Variants in PYROXD1 observed in about 807,000 individuals in gnomAD.
PYROXD1 encodes tRNA ligase complex-associated NAD(P)H dehydrogenase PYROXD1.
A neutral mutation model predicts 62.0 loss-of-function variants in PYROXD1; 42 were observed. That is an observed-to-expected ratio of 0.68 (90% CI 0.53 to 0.88). The LOEUF (loss-of-function observed/expected upper bound fraction) is 0.88, where lower values mean the gene tolerates loss of function less well. Ranked by LOEUF, PYROXD1 falls within the 40% of genes least tolerant of loss-of-function variation. The probability of loss-of-function intolerance (pLI) is 0.00; values close to 1 mark genes in which losing one functional copy is unlikely to be tolerated. For synonymous variants in PYROXD1, 170 were observed against 206.4 expected, an observed-to-expected ratio of 0.82 and a Z score of 1.51; for missense variants, 493 against 604.8, an observed-to-expected ratio of 0.82 and a Z score of 1.94.
At chr12:21,444,623 C>A (rs1942353441) in intron 2 of PYROXD1, among the ~76,000 whole-genome samples, 1 of 152,128 alleles carries the variant, frequency 6.6e-6, no homozygotes. Flanking sequence ...CCTTAAATAA[C>A]CCTAGAAGTA....
chr12:21,439,819 TA>T (rs1461069733), intron 1 of PYROXD1, among the ~76,000 whole-genome samples: 1 of 152,210 alleles, frequency 6.6e-6, no homozygotes, highest in Non-Finnish European at 1.5e-5. Flanking sequence ...GTTATACCTC[TA>T]AATTTTGTGG....
At chr12:21,458,355 T>C (rs894644574) in intron 7 of PYROXD1, among the ~76,000 whole-genome samples, 1 of 152,210 alleles carries the variant, frequency 6.6e-6, no homozygotes, top group Admixed American at 6.5e-5. Context: ...TAAGGGAATG[T>C]TGTGGCTGAT....
intron 11 of PYROXD1, among the ~76,000 whole-genome samples, chr12:21,467,941 C>T (rs1331649220): frequency 1.3e-5 from 2 of 150,700 alleles, no homozygotes; most frequent in African/African-American, 4.9e-5. Context: ...TGCTGTTGTA[C>T]TCAAAAATAA....
intron 10 of PYROXD1, among the ~76,000 whole-genome samples, chr12:21,466,594 C>T (rs1942798962): frequency 6.6e-6 from 1 of 152,194 alleles, no homozygotes; most frequent in African/African-American, 2.4e-5. Flanking sequence ...GATATACAAT[C>T]ATGTCATCTG....
chr12:21,467,246 C>T (rs763235442), intron 10 of PYROXD1: 20 of 380,072 alleles, frequency 5.3e-5, no homozygotes, highest in Non-Finnish European at 8.9e-5. Context: ...AATAGAAATG[C>T]TACTAAAACA....
At chr12:21,447,995 A>AT (rs1942424675) in intron 3 of PYROXD1, 8 of 364,610 alleles carry the variant, frequency 2.2e-5, no homozygotes, top group Non-Finnish European at 3.7e-5. Flanking sequence ...AAAAAAAAAA[A>AT]CACATGCGTA....
intron 10 of PYROXD1, among the ~76,000 whole-genome samples, chr12:21,466,946 T>C (rs1365736712): frequency 2.0e-5 from 3 of 152,070 alleles, no homozygotes; most frequent in African/African-American, 2.4e-5. Flanking sequence ...AAAAATACAA[T>C]AGATGAATTA....
chr12:21,451,963 T>G, intron 4 of PYROXD1, 118 bp from the exon 5 acceptor site: 1 of 676,918 alleles, frequency 1.5e-6, no homozygotes. Flanking sequence ...GAGATTCATT[T>G]TTTTCCTTTA....
At chr12:21,462,971 A>G in intron 10 of PYROXD1, 109 bp downstream of exon 10, 1 of 1,071,296 alleles carries the variant, frequency 9.3e-7, no homozygotes, top group Non-Finnish European at 1.3e-6. Flanking sequence ...CTGCTTAAGT[A>G]GGAAGCTAGC....
At chr12:21,445,487 AT>A in intron 3 of PYROXD1, 21 bp downstream of exon 3, 1 of 1,561,368 alleles carries the variant, frequency 6.4e-7, no homozygotes. Flanking sequence ...TGTTTTCTTA[AT>A]AACATTTTCC....
intron 7 of PYROXD1, among the ~76,000 whole-genome samples, chr12:21,457,601 A>T (rs1942621586): frequency 6.6e-6 from 1 of 152,112 alleles, no homozygotes; most frequent in Admixed American, 6.6e-5. Flanking sequence ...TCATGGTCCC[A>T]CGGGCTGTAC....
At chr12:21,457,602 C>G (rs368309585) in intron 7 of PYROXD1, among the ~76,000 whole-genome samples, 1 of 151,930 alleles carries the variant, frequency 6.6e-6, no homozygotes, top group Non-Finnish European at 1.5e-5. Flanking sequence ...CATGGTCCCA[C>G]GGGCTGTACA....
Position 21,469,057 on chromosome 12 carries a change from A to C in PYROXD1, c.*303A>C, listed in dbSNP as rs1199371912. ...ATTTAGCTTTGGAGCAAATTTAGGT[A>C]AGTTATCTACTTAGCCAAATGTACT... is the stretch of plus-strand genomic sequence containing the variant. On this transcript the variant is annotated 3_prime_UTR_variant, in exon 12 of 12. Coordinates refer to ENST00000240651, the MANE Select transcript of PYROXD1 (RefSeq NM_024854.5). 3.4e-5 allele frequency: 9 copies of C among 268,284 alleles called. No individual in the cohort carries two copies. Among genetic ancestry groups the C allele is most frequent in the Non-Finnish European group, 7.2e-6 (1 of 138,896 alleles). 16.6% of individuals were successfully genotyped at this position (268,284 alleles called of 1,614,324 possible).
chr12:21,450,169 A>C (rs1051940961), intron 4 of PYROXD1, among the ~76,000 whole-genome samples: 4 of 151,878 alleles, frequency 2.6e-5, no homozygotes, highest in African/African-American at 9.7e-5. Flanking sequence ...TGCCCAGCCT[A>C]TTCCTGCCAA....
At chr12:21,467,280 AT>A (rs1035034886) in intron 10 of PYROXD1, 200 bp from the exon 11 acceptor site, 81 of 461,110 alleles carry the variant, frequency 1.8e-4, no homozygotes, top group Non-Finnish European at 1.9e-4. Flanking sequence ...TCATCTTTTA[AT>A]TTTAGAGGCA....
chr12:21,454,914 G>T (rs1942567739), intron 5 of PYROXD1: 1 of 326,802 alleles, frequency 3.1e-6, no homozygotes, highest in East Asian at 4.7e-5. Context: ...GTCACTTAAA[G>T]GTTCTTTCTG....
At position 21,468,442 on chromosome 12, in the gene PYROXD1, A is replaced by G. The variant is rs574789763; in HGVS notation, c.1255-64A>G. 63 of 1,456,904 alleles carry G rather than the reference A, an allele frequency of 4.3e-5. No homozygotes were observed. In the South Asian group the frequency reaches 7.6e-4, roughly 18 times the overall value. 90.2% of individuals were successfully genotyped at this position (1,456,904 alleles called of 1,614,324 possible). A position where few individuals can be genotyped will look rare whatever the true frequency, so the allele number is the denominator to read the frequency against. On this transcript the variant is annotated intron_variant, in intron 11 of 11. Transcript: ENST00000240651. ...TGCGGCTATTCAAACTTGACACAAA[A>G]TAACTACCCATTACATTTTCTTTAT... is the stretch of plus-strand genomic sequence containing the variant.
rs1942820130 is a variant in PYROXD1 at position 21,467,498 on chromosome 12, GGC to G, written c.1135_1136del (p.Ala379Ter). 6.2e-7 allele frequency: 1 copy of G among 1,609,788 alleles called. No homozygotes were observed. Among genetic ancestry groups the G allele is most frequent in the South Asian group, 1.1e-5 (1 of 90,366 alleles). On this transcript the variant is annotated frameshift_variant, in exon 11 of 12. Coordinates refer to ENST00000240651, the MANE Select transcript of PYROXD1 (RefSeq NM_024854.5). LOFTEE classifies it high-confidence loss of function. Reference protein sequence around the residue: ...VWQQMRLWTQARQMGWYAAKC... With the variant: ...VWQQMRLWTQXRQMGWYAAKC... ...CATTTCAGATGAGGCTGTGGACCCA[GGC>G]TAGACAGATGGGATGGTATGCAGCA...
At chr12:21,448,049 A>C (rs1397173303) in intron 3 of PYROXD1, 2 of 525,054 alleles carry the variant, frequency 3.8e-6, no homozygotes, top group East Asian at 6.4e-5. Context: ...AATTGACCTC[A>C]TTGGTTTCAT....
Sources: gnomAD v4.1 joint callset for allele counts (sites outside exome capture counted in the v4.1 genomes callset) on GRCh38, gnomAD v4.1.1 for gene constraint, MANE v1.5 for transcripts, NCBI Gene and HGNC (gene_info 2026-07-23, HGNC 2026-07-21) for gene names.